Variants in KCNIP1 observed in about 807,000 individuals in gnomAD.
The protein encoded by KCNIP1 is A-type potassium channel modulatory protein KCNIP1.
KCNIP1 carries 18 observed loss-of-function variants against 33.0 expected under a neutral mutation model. The observed-to-expected ratio is 0.55, with a 90% CI of 0.38 to 0.81. The LOEUF (loss-of-function observed/expected upper bound fraction) is 0.81, where lower values mean the gene tolerates loss of function less well. Ranked by LOEUF, KCNIP1 falls within the 30% of genes least tolerant of loss-of-function variation. KCNIP1 has a pLI of 0.00. For missense variants in KCNIP1, 238 were observed against 271.6 expected, an observed-to-expected ratio of 0.88 and a Z score of 0.87; for synonymous variants, 93 against 98.3, an observed-to-expected ratio of 0.95 and a Z score of 0.32.
At chr5:170,394,767 G>A (rs978309129) in intron 1 of KCNIP1, among the ~76,000 whole-genome samples, 2 of 152,138 alleles carry the variant, frequency 1.3e-5, no homozygotes, top group Admixed American at 6.5e-5. Flanking sequence ...TCCTTTTGGA[G>A]TCCCCAGTAT....
At chr5:170,603,753 G>T (rs1293056968) in intron 1 of KCNIP1, among the ~76,000 whole-genome samples, 3 of 152,210 alleles carry the variant, frequency 2.0e-5, no homozygotes, top group Admixed American at 2.0e-4. Context: ...ATGTGGTTGG[G>T]CCAGGGCCCC....
chr5:170,504,316 CG>C lies in KCNIP1; in HGVS notation c.-254del. 7.3e-7 allele frequency: 1 copy of C among 1,363,584 alleles called. No homozygotes were observed. Among genetic ancestry groups the C allele is most frequent in the Non-Finnish European group, 9.4e-7 (1 of 1,062,620 alleles). 84.5% of individuals were successfully genotyped at this position (1,363,584 alleles called of 1,614,324 possible). A position where few individuals can be genotyped will look rare whatever the true frequency, so the allele number is the denominator to read the frequency against. On this transcript the variant is annotated 5_prime_UTR_variant, in exon 1 of 8. The change abolishes the stop of an existing upstream ORF in the 5' untranslated region. Coordinates refer to ENST00000328939, the MANE Select transcript of KCNIP1 (RefSeq NM_014592.4). This position sits in a 1 kb window ranked among gnomAD's most constrained non-coding sequence, Gnocchi z 6.0. Reference sequence around the variant, plus strand: ...GCCCTGGGCGAGGGAACCGCCGGGCCGGGTCCTCGCGCGGGGAAGCGGTTCC... The same window carrying C: ...GCCCTGGGCGAGGGAACCGCCGGGCCGGTCCTCGCGCGGGGAAGCGGTTCC...
At chr5:170,404,193 T>C (rs1226191016) in intron 1 of KCNIP1, among the ~76,000 whole-genome samples, 1 of 152,260 alleles carries the variant, frequency 6.6e-6, no homozygotes, top group African/African-American at 2.4e-5. Context: ...AAAATGTGCA[T>C]TTATTTATCA....
At chr5:170,437,997 CCT>C (rs913460647) in intron 1 of KCNIP1, among the ~76,000 whole-genome samples, 43 of 152,332 alleles carry the variant, frequency 2.8e-4, no homozygotes, top group Admixed American at 1.2e-3. Flanking sequence ...CACAGAGCCC[CCT>C]GTTTGCTCCC....
chr5:170,696,536 A>G (rs1762899316), intron 1 of KCNIP1, among the ~76,000 whole-genome samples: 1 of 152,198 alleles, frequency 6.6e-6, no homozygotes, highest in African/African-American at 2.4e-5. Context: ...CAGAGGAGGT[A>G]GCCCTTGAAA....
intron 1 of KCNIP1, among the ~76,000 whole-genome samples, chr5:170,590,411 G>A (rs1278808311): frequency 6.6e-6 from 1 of 152,120 alleles, no homozygotes. Flanking sequence ...GGAGAAGTGA[G>A]TCTGGAGGTG....
chr5:170,523,990 C>T (rs890656310), intron 1 of KCNIP1, among the ~76,000 whole-genome samples: 5 of 152,192 alleles, frequency 3.3e-5, no homozygotes, highest in African/African-American at 1.2e-4. Context: ...CCTGCCTGTT[C>T]TCCCAGCACC....
chr5:170,589,858 G>A lies in KCNIP1; in HGVS notation c.61+85225G>A, dbSNP rs189020182. 1.7e-3 allele frequency among the ~76,000 whole-genome samples: 253 copies of A among 150,410 alleles called. 1 individual carries two copies. The highest frequency in any genetic ancestry group is 5.8e-3 in the African/African-American group (238 of 41,254). On this transcript the variant is annotated intron_variant, in intron 1 of 7. Coordinates refer to ENST00000328939, the MANE Select transcript of KCNIP1 (RefSeq NM_014592.4). ...TGAGGCTGGCCTTAGGAGCCTGTTG[G>A]CCTTCCAGGCCAGTCCTGAAGCCCA... is the stretch of plus-strand genomic sequence containing the variant.
chr5:170,560,843 T>C (rs902600366), intron 1 of KCNIP1, among the ~76,000 whole-genome samples: 1 of 152,078 alleles, frequency 6.6e-6, no homozygotes, highest in African/African-American at 2.4e-5. Context: ...GATGCTCTTC[T>C]CTCTGTGGGG....
intron 1 of KCNIP1, chr5:170,680,874 A>G: frequency 2.5e-6 from 1 of 393,088 alleles, no homozygotes; most frequent in Non-Finnish European, 4.5e-6. Flanking sequence ...AAACATAGAG[A>G]TTACCAGGTA....
intron 1 of KCNIP1, among the ~76,000 whole-genome samples, chr5:170,714,987 A>G (rs1338360527): frequency 6.6e-6 from 1 of 152,170 alleles, no homozygotes; most frequent in East Asian, 1.9e-4. Flanking sequence ...CTCACTCACC[A>G]TCACTCACTG....
intron 1 of KCNIP1, among the ~76,000 whole-genome samples, chr5:170,706,856 G>A (rs899235429): frequency 6.6e-6 from 1 of 152,054 alleles, no homozygotes; most frequent in East Asian, 1.9e-4. Flanking sequence ...AATCCCACCC[G>A]TGTTAATCCT....
At chr5:170,441,590 G>T (rs1276657706) in intron 1 of KCNIP1, among the ~76,000 whole-genome samples, 3 of 152,142 alleles carry the variant, frequency 2.0e-5, no homozygotes, top group Non-Finnish European at 4.4e-5. Flanking sequence ...CAGCCCTAGA[G>T]CCCACTGCAG....
At chr5:170,669,411 C>T in intron 1 of KCNIP1, 1 of 520,480 alleles carries the variant, frequency 1.9e-6, no homozygotes, top group Non-Finnish European at 2.5e-6. Flanking sequence ...CTTGAATATT[C>T]CTAGGTCCTT....
chr5:170,495,551 G>A (rs1053459025), intron 1 of KCNIP1, among the ~76,000 whole-genome samples: 5 of 152,152 alleles, frequency 3.3e-5, no homozygotes, highest in African/African-American at 4.8e-5. Context: ...CCCACATTCC[G>A]CCAAAGTCTG....
chr5:170,570,992 A>G (rs1757385439), intron 1 of KCNIP1, among the ~76,000 whole-genome samples: 2 of 152,194 alleles, frequency 1.3e-5, no homozygotes, highest in Non-Finnish European at 2.9e-5. Context: ...TAGTGTCCCA[A>G]AGCCAATCAA....
intron 1 of KCNIP1, among the ~76,000 whole-genome samples, chr5:170,618,069 G>T (rs531401786): frequency 6.6e-6 from 1 of 152,184 alleles, no homozygotes; most frequent in East Asian, 1.9e-4. Flanking sequence ...CCCTCCAACC[G>T]ACCACTGGAG....
chr5:170,562,308 G>A (rs559316284), intron 1 of KCNIP1, among the ~76,000 whole-genome samples: 2 of 152,266 alleles, frequency 1.3e-5, no homozygotes, highest in African/African-American at 4.8e-5. Flanking sequence ...GAGTGCACAG[G>A]GGTTGGTGGC....
chr5:170,629,632 A>G (rs1392805712), intron 1 of KCNIP1, among the ~76,000 whole-genome samples: 74 of 152,090 alleles, frequency 4.9e-4, no homozygotes, highest in Admixed American at 4.8e-3. Flanking sequence ...CCTCCCTAGA[A>G]AGTCTGCCCC....
Sources: allele counts gnomAD v4.1 joint callset (sites outside exome capture counted in the v4.1 genomes callset), GRCh38; gene constraint gnomAD v4.1.1; non-coding constraint Gnocchi (gnomAD v3.1); transcripts MANE v1.5; gene names NCBI Gene and HGNC (gene_info 2026-07-23, HGNC 2026-07-21).